LYSMD2: variants seen among roughly 807,000 people sequenced by gnomAD.
LYSMD2 encodes the protein lysM and putative peptidoglycan-binding domain-containing protein 2.
LYSMD2 carries 6 observed loss-of-function variants against 17.7 expected under a neutral mutation model. That is an observed-to-expected ratio of 0.34 (90% CI 0.19 to 0.67). The LOEUF is 0.67. Ranked by LOEUF, LYSMD2 falls within the 30% of genes least tolerant of loss-of-function variation. The pLI is 0.69. For missense variants in LYSMD2, 237 were observed against 286.7 expected, an observed-to-expected ratio of 0.83 and a Z score of 1.25; for synonymous variants, 102 against 129.8, an observed-to-expected ratio of 0.79 and a Z score of 1.45.
At chr15:51,723,946 T>C (rs1407049033) in intron 2 of LYSMD2, among the ~76,000 whole-genome samples, 4 of 151,164 alleles carry the variant, frequency 2.6e-5, no homozygotes, top group Non-Finnish European at 4.4e-5. Flanking sequence ...TATTTGTTTA[T>C]GTTTTCTATA....
chr15:51,742,058 G>A (rs144075376), upstream of LYSMD2, among the ~76,000 whole-genome samples: 13 of 149,318 alleles, frequency 8.7e-5, no homozygotes, highest in African/African-American at 2.5e-4. Context: ...TTTTTGAGAC[G>A]GAGTCTCGCT....
intron 1 of LYSMD2, among the ~76,000 whole-genome samples, chr15:51,750,606 A>G (rs1205949948): frequency 6.6e-6 from 1 of 152,218 alleles, no homozygotes; most frequent in African/African-American, 2.4e-5. Flanking sequence ...TGCTCAAAAT[A>G]TGCTGCAAAA....
intron 1 of LYSMD2, chr15:51,751,189 C>T: frequency 1.4e-6 from 1 of 691,094 alleles, no homozygotes; most frequent in Non-Finnish European, 2.6e-6. Context: ...ACCTCCTTCC[C>T]TCCCTAGGCT....
At chr15:51,745,953 G>A (rs1018816720) in intron 1 of LYSMD2, among the ~76,000 whole-genome samples, 2 of 152,110 alleles carry the variant, frequency 1.3e-5, no homozygotes, top group African/African-American at 4.8e-5. Context: ...AGACATTAAC[G>A]AGTGTTAGCA....
chr15:51,734,505 G>A (rs1211480108), intron 1 of LYSMD2, among the ~76,000 whole-genome samples: 1 of 152,170 alleles, frequency 6.6e-6, no homozygotes, highest in Non-Finnish European at 1.5e-5. Flanking sequence ...GACTACGACT[G>A]GCTCTTAATC....
At chr15:51,744,831 G>A (rs1028779222) in intron 1 of LYSMD2, among the ~76,000 whole-genome samples, 1 of 151,970 alleles carries the variant, frequency 6.6e-6, no homozygotes, top group South Asian at 2.1e-4. Context: ...ATCCAAAAGT[G>A]TATTCTTTGA....
chr15:51,737,264 C>T lies in LYSMD2; in HGVS notation c.273+86G>A, dbSNP rs1595852508. 4 of 448,428 alleles carry T rather than the reference C, an allele frequency of 8.9e-6. No homozygotes were observed. The East Asian group carries it at 2.4e-4, about 27-fold the overall frequency. The allele number at this position is 448,428 out of a possible 1,614,324, so 27.8% of individuals were successfully genotyped here. A position where few individuals can be genotyped will look rare whatever the true frequency, so the allele number is the denominator to read the frequency against. On this transcript the variant is annotated intron_variant, in intron 1 of 2. Transcript: ENST00000267838. The surrounding 1 kb of genome is among the most constrained non-coding windows in gnomAD (Gnocchi z 4.2). ...ATCCCCCAAACCCCCACCCGCAGTCCCACCCCCACCCCCACCGCACCCCGA... is the reference window on the plus strand; with the variant it reads ...ATCCCCCAAACCCCCACCCGCAGTCTCACCCCCACCCCCACCGCACCCCGA...
In LYSMD2 at chr15:51,728,884, AT is replaced by A. The variant is rs546474850; in HGVS notation, c.274-3764del. On this transcript the variant is annotated intron_variant, in intron 1 of 2. Coordinates refer to ENST00000267838, the MANE Select transcript of LYSMD2 (RefSeq NM_153374.3). Reference sequence around the variant, plus strand: ...GACTCCATCTCAAAAAAAAAAAAAAATTTGTTTCTCCCCCAAAGTAAGAATA... The same window carrying A: ...GACTCCATCTCAAAAAAAAAAAAAAATTGTTTCTCCCCCAAAGTAAGAATA... Among the ~76,000 whole-genome samples, 21 of 146,966 alleles carry A rather than the reference AT, an allele frequency of 1.4e-4. No individual in the cohort carries two copies. The South Asian group carries it at 3.0e-3, about 21-fold the overall frequency.
intron 1 of LYSMD2, among the ~76,000 whole-genome samples, chr15:51,730,636 A>C (rs1052179055): frequency 6.6e-6 from 1 of 152,230 alleles, no homozygotes; most frequent in African/African-American, 2.4e-5. Flanking sequence ...AACTCTTCCC[A>C]TCTTGGGCCA....
intron 2 of LYSMD2, among the ~76,000 whole-genome samples, chr15:51,723,961 A>G (rs935481233): frequency 6.6e-6 from 1 of 151,786 alleles, no homozygotes; most frequent in African/African-American, 2.4e-5. Context: ...TCTATATTCT[A>G]CCTCTTTCCC....
intron 1 of LYSMD2, among the ~76,000 whole-genome samples, chr15:51,730,149 C>G (rs1253425466): frequency 1.5e-4 from 23 of 152,184 alleles, no homozygotes; most frequent in Non-Finnish European, 1.5e-5. Flanking sequence ...AGGGTGGTCA[C>G]AAGTTCAAGT....
chr15:51,748,664 C>T (rs1022165457), intron 1 of LYSMD2, among the ~76,000 whole-genome samples: 2 of 152,146 alleles, frequency 1.3e-5, no homozygotes, highest in Admixed American at 6.5e-5. Flanking sequence ...TATGGCCGAC[C>T]CAGATTCATC....
At chr15:51,743,965 C>T (rs1222960351) in intron 1 of LYSMD2, among the ~76,000 whole-genome samples, 1 of 151,978 alleles carries the variant, frequency 6.6e-6, no homozygotes, top group Non-Finnish European at 1.5e-5. Flanking sequence ...ATCTTGTATC[C>T]TACAATCTTG....
At chr15:51,729,642 T>G (rs1344595556) in intron 1 of LYSMD2, among the ~76,000 whole-genome samples, 2 of 152,210 alleles carry the variant, frequency 1.3e-5, no homozygotes, top group African/African-American at 4.8e-5. Flanking sequence ...GTATTTTTAG[T>G]AGAGACGGGC....
At chr15:51,737,658 C>G, upstream of LYSMD2, 5 of 1,201,600 alleles carry the variant, frequency 4.2e-6, no homozygotes, top group Non-Finnish European at 5.2e-6. This position sits in a 1 kb window ranked among gnomAD's most constrained non-coding sequence, Gnocchi z 4.2. Flanking sequence ...GGGAGCTTGC[C>G]AAGGGGGCGG....
At chr15:51,748,343 G>A (rs1009559098) in intron 1 of LYSMD2, among the ~76,000 whole-genome samples, 5 of 150,096 alleles carry the variant, frequency 3.3e-5, no homozygotes, top group African/African-American at 1.2e-4. Context: ...TAGTCATTGT[G>A]CCAGTAAATA....
Position 51,724,834 on chromosome 15 carries a change from A to T in LYSMD2, c.561T>A (p.Ile187=). ...RDFLQRLDLQ[I]KLSTQAAKKL... ...TCTTGGCTGCCTGTGTTGATAACTT[A>T]ATCTGCAAGTCAAGTCTCTGCAGGA... The change falls in exon 2 of 3, where the codon ATT becomes ATA. Residue 187 remains isoleucine, a synonymous_variant. Coordinates refer to ENST00000267838, the MANE Select transcript of LYSMD2 (RefSeq NM_153374.3). 6.2e-7 allele frequency: 1 copy of T among 1,614,000 alleles called. No individual in the cohort carries two copies. Among genetic ancestry groups the T allele is most frequent in the Non-Finnish European group, 8.5e-7 (1 of 1,179,942 alleles).
At chr15:51,735,173 C>CA (rs11316003) in intron 1 of LYSMD2, among the ~76,000 whole-genome samples, 3,922 of 131,972 alleles carry the variant, frequency 0.03, 166 homozygotes, top group African/African-American at 0.098. Context: ...GACCCTGTCT[C>CA]AAAAAAAAAA....
At chr15:51,749,141 T>C (rs564878948) in intron 1 of LYSMD2, among the ~76,000 whole-genome samples, 1 of 152,322 alleles carries the variant, frequency 6.6e-6, no homozygotes, top group East Asian at 1.9e-4. Flanking sequence ...ACTTACAAGA[T>C]ATGGTCCAGA....
Sources: gnomAD v4.1 joint callset for allele counts (sites outside exome capture counted in the v4.1 genomes callset) on GRCh38, gnomAD v4.1.1 for gene constraint, Gnocchi (gnomAD v3.1) non-coding constraint, MANE v1.5 for transcripts, NCBI Gene and HGNC (gene_info 2026-07-23, HGNC 2026-07-21) for gene names.